Variants in PRKG1 observed in about 807,000 individuals in gnomAD.
PRKG1 encodes protein kinase cGMP-dependent 1, also known as cGMP-dependent protein kinase 1.
In PRKG1, 35 loss-of-function variants were observed where a neutral mutation model predicts 88.1. The ratio of observed to expected loss-of-function variants is 0.40; its 90% confidence interval spans 0.30 to 0.53. The LOEUF is 0.53. Among genes scored for constraint, PRKG1 ranks in the 20% least tolerant of loss-of-function variants. The pLI is 0.59. For missense variants in PRKG1, 540 were observed against 839.8 expected, an observed-to-expected ratio of 0.64 and a Z score of 4.41; for synonymous variants, 303 against 292.5, an observed-to-expected ratio of 1.04 and a Z score of -0.37.
intron 4 of PRKG1, among the ~76,000 whole-genome samples, chr10:51,824,765 A>G (rs1839841882): frequency 6.6e-6 from 1 of 152,022 alleles, no homozygotes; most frequent in South Asian, 2.1e-4. Context: ...GGCTCCTTTG[A>G]ACAACCAGCT....
rs552008505 is a variant in PRKG1 at position 51,651,803 on chromosome 10, C to T, written c.593-152782C>T. ...TTCACCATGTTGGCCGGAATTGTCT[C>T]GATCTCTTGACCTCGTGATCCACCT... is the stretch of plus-strand genomic sequence containing the variant. On this transcript the variant is annotated intron_variant, in intron 3 of 17. Coordinates refer to ENST00000373980, the MANE Select transcript of PRKG1 (RefSeq NM_006258.4). Among the ~76,000 whole-genome samples the T allele has an allele frequency of 1.1e-3, 171 of 151,984 alleles. 1 individual carries two copies. Among genetic ancestry groups the T allele is most frequent in the African/African-American group, 3.7e-3 (152 of 41,464 alleles).
At chr10:52,205,842 AT>A (rs994586664) in intron 9 of PRKG1, among the ~76,000 whole-genome samples, 4 of 150,210 alleles carry the variant, frequency 2.7e-5, no homozygotes, top group Non-Finnish European at 4.4e-5. Context: ...GCTGCTTAAA[AT>A]TTTTTTTTTC....
intron 1 of PRKG1, among the ~76,000 whole-genome samples, chr10:51,001,790 C>A (rs1842892721): frequency 6.6e-6 from 1 of 152,146 alleles, no homozygotes; most frequent in Admixed American, 6.5e-5. Context: ...AGATTTCAAC[C>A]ATTACCACAA....
intron 5 of PRKG1, among the ~76,000 whole-genome samples, chr10:51,996,672 G>T (rs1013333185): frequency 3.9e-5 from 6 of 152,082 alleles, no homozygotes; most frequent in Non-Finnish European, 8.8e-5. Flanking sequence ...GGAACCCTTG[G>T]ACACTGTTTG....
intron 5 of PRKG1, among the ~76,000 whole-genome samples, chr10:52,005,253 T>A (rs61847550): frequency 9.3e-5 from 1 of 10,714 alleles, no homozygotes; most frequent in Non-Finnish European, 2.0e-4. Flanking sequence ...ATGCCCATCT[T>A]TTTTTTTTTT....
intron 8 of PRKG1, among the ~76,000 whole-genome samples, chr10:52,144,333 T>TA (rs1172783853): frequency 2.0e-5 from 3 of 152,144 alleles, no homozygotes; most frequent in African/African-American, 4.8e-5. Flanking sequence ...CAAACTAAAA[T>TA]AATCTAGATT....
intron 4 of PRKG1, among the ~76,000 whole-genome samples, chr10:51,874,134 C>G (rs1160295301): frequency 6.6e-6 from 1 of 152,212 alleles, no homozygotes; most frequent in East Asian, 1.9e-4. Flanking sequence ...ATCTTGATTA[C>G]TGGGCATAGA....
chr10:51,921,096 T>A (rs1407124249), intron 5 of PRKG1, among the ~76,000 whole-genome samples: 1 of 152,132 alleles, frequency 6.6e-6, no homozygotes, highest in Non-Finnish European at 1.5e-5. Context: ...TACAGTATCA[T>A]ACAGAATAGT....
chr10:51,232,486 C>A (rs773404777), intron 2 of PRKG1, among the ~76,000 whole-genome samples: 2 of 151,876 alleles, frequency 1.3e-5, no homozygotes, highest in Non-Finnish European at 2.9e-5. Context: ...AATGGATATG[C>A]GATGTGTGTT....
intron 2 of PRKG1, among the ~76,000 whole-genome samples, chr10:51,415,279 C>A (rs1397886670): frequency 6.6e-6 from 1 of 152,134 alleles, no homozygotes; most frequent in Non-Finnish European, 1.5e-5. Context: ...TCTTTAATAT[C>A]TCTATAAAGA....
intron 2 of PRKG1, among the ~76,000 whole-genome samples, chr10:51,464,131 A>AT (rs1290478483): frequency 6.7e-6 from 1 of 149,544 alleles, no homozygotes; most frequent in African/African-American, 2.5e-5. Flanking sequence ...AAAAAAAAAA[A>AT]TTGCCTGGCA....
Position 51,340,328 on chromosome 10 carries a change from T to C in PRKG1, c.479-127395T>C, listed in dbSNP as rs145104092. On this transcript the variant is annotated intron_variant, in intron 2 of 17. Coordinates refer to ENST00000373980, the MANE Select transcript of PRKG1 (RefSeq NM_006258.4). The stretch of plus-strand genomic sequence containing the variant: ...TTAAGAGGTTCTTTCTAAGAATATA[T>C]TGTACTTAACTGATGGACAAGGTTT... 3.6e-3 allele frequency among the ~76,000 whole-genome samples: 541 copies of C among 152,292 alleles called. 3 individuals are homozygous for C. Among genetic ancestry groups the C allele is most frequent in the African/African-American group, 0.013 (525 of 41,580 alleles).
intron 1 of PRKG1, among the ~76,000 whole-genome samples, chr10:51,029,845 G>C (rs151018994): frequency 6.6e-6 from 1 of 152,110 alleles, no homozygotes; most frequent in Non-Finnish European, 1.5e-5. Context: ...CCAAACCAGG[G>C]CTCCCCTATT....
intron 5 of PRKG1, among the ~76,000 whole-genome samples, chr10:52,032,469 T>C (rs1481275767): frequency 2.0e-5 from 3 of 152,226 alleles, no homozygotes; most frequent in Admixed American, 6.5e-5. Context: ...TAACACACTG[T>C]CTAGCTTGTG....
Position 52,164,653 on chromosome 10 carries a change from G to T in PRKG1, c.1076+2690G>T, listed in dbSNP as rs1423265142. Among the ~76,000 whole-genome samples the T allele has an allele frequency of 2.6e-5, 4 of 152,050 alleles. No individual in the cohort carries two copies. In the East Asian group the frequency reaches 7.7e-4, roughly 29 times the overall value. On this transcript the variant is annotated intron_variant, in intron 9 of 17. Coordinates refer to ENST00000373980, the MANE Select transcript of PRKG1 (RefSeq NM_006258.4). ...TAATTAAAGAAGAAAGAAAGGCAAT[G>T]AAATGACTACTTACATCAAAGTAGT...
At chr10:51,607,473 G>T (rs1838796442) in intron 3 of PRKG1, among the ~76,000 whole-genome samples, 1 of 152,172 alleles carries the variant, frequency 6.6e-6, no homozygotes. Context: ...AGAGGAAAAG[G>T]AAAGTTGATG....
chr10:51,764,849 G>T (rs1261648089), intron 3 of PRKG1, among the ~76,000 whole-genome samples: 1 of 152,084 alleles, frequency 6.6e-6, no homozygotes, highest in East Asian at 1.9e-4. Flanking sequence ...TTCAAGAATG[G>T]GATTAGTGCT....
intron 2 of PRKG1, among the ~76,000 whole-genome samples, chr10:51,154,525 A>G (rs977312162): frequency 2.6e-5 from 4 of 152,064 alleles, no homozygotes; most frequent in Admixed American, 6.6e-5. Flanking sequence ...AATGTAAAGT[A>G]TAGAACACCA....
intron 2 of PRKG1, among the ~76,000 whole-genome samples, chr10:51,324,325 C>T (rs1467703445): frequency 6.6e-6 from 1 of 152,048 alleles, no homozygotes; most frequent in African/African-American, 2.4e-5. Flanking sequence ...TTTTTAGCTC[C>T]CACGTGTGAA....
Sources: allele counts gnomAD v4.1 joint callset (sites outside exome capture counted in the v4.1 genomes callset), GRCh38; gene constraint gnomAD v4.1.1; transcripts MANE v1.5; gene names NCBI Gene and HGNC (gene_info 2026-07-23, HGNC 2026-07-21).